KCNQ3: variants seen among roughly 807,000 people sequenced by gnomAD.
KCNQ3 encodes potassium voltage-gated channel subfamily KQT member 3.
A neutral mutation model predicts 92.5 loss-of-function variants in KCNQ3; 30 were observed. The observed-to-expected ratio is 0.32, with a 90% CI of 0.24 to 0.44. The LOEUF is 0.44. KCNQ3 is among the 20% of genes least tolerant of loss of function. The pLI, the probability that KCNQ3 is intolerant of heterozygous loss-of-function variation, is 1.00. For synonymous variants in KCNQ3, 450 were observed against 468.8 expected (o/e 0.96, Z 0.52); for missense variants, 913 against 1,140.3 (o/e 0.80, Z 2.87).
chr8:132,154,909 C>T (rs948240361), intron 9 of KCNQ3, among the ~76,000 whole-genome samples: 15 of 152,126 alleles, frequency 9.9e-5, no homozygotes, highest in African/African-American at 3.4e-4. Flanking sequence ...GATCACAGGC[C>T]TAGGCACCCA....
intron 1 of KCNQ3, among the ~76,000 whole-genome samples, chr8:132,358,659 G>C (rs1819079949): frequency 7.3e-6 from 1 of 137,046 alleles, no homozygotes; most frequent in South Asian, 2.4e-4. Context: ...TGTTCAAAAA[G>C]AATGGATGGT....
rs75276228 is a variant in KCNQ3, at chr8:132,268,091, T to A, written c.387-81910A>T. On this transcript the variant is annotated intron_variant, in intron 1 of 14. Transcript: ENST00000388996. ...AAATCCTATGTCCTCTGCCTATTCA[T>A]CCCTCCATGCTCCCTCCCCACCAGC... 2.5e-3 allele frequency among the ~76,000 whole-genome samples: 376 copies of A among 152,318 alleles called. 3 individuals carry two copies. The highest frequency in any genetic ancestry group is 8.8e-3 in the African/African-American group (364 of 41,570).
chr8:132,477,321 TCTC>T (rs2130871651), intron 1 of KCNQ3, among the ~76,000 whole-genome samples: 2 of 146,966 alleles, frequency 1.4e-5, no homozygotes, highest in South Asian at 4.4e-4. Flanking sequence ...AAAAAAATAA[TCTC>T]ATCATGGACC....
chr8:132,163,789 T>C (rs1213535563), intron 8 of KCNQ3, among the ~76,000 whole-genome samples: 1 of 152,220 alleles, frequency 6.6e-6, no homozygotes, highest in Non-Finnish European at 1.5e-5. Context: ...AGCTCTCATG[T>C]TGAGCTCAGG....
At chr8:132,423,985 C>T (rs757004930) in intron 1 of KCNQ3, among the ~76,000 whole-genome samples, 7 of 152,192 alleles carry the variant, frequency 4.6e-5, no homozygotes, top group Non-Finnish European at 1.0e-4. Flanking sequence ...AAAACAAAAG[C>T]TGCAGGACTA....
chr8:132,257,781 G>T lies in KCNQ3; in HGVS notation c.387-71600C>A, dbSNP rs1365323064. ...AAAAAAAAAAAGAGAGAGAGAGACA[G>T]TTTAGATTTAAAAACATAAAAAGAT... On this transcript the variant is annotated intron_variant, in intron 1 of 14. Transcript: ENST00000388996. Among the ~76,000 whole-genome samples, 4 of 144,952 alleles carry T rather than the reference G, an allele frequency of 2.8e-5. No homozygotes were observed. In the Admixed American group the frequency reaches 2.8e-4, roughly 10 times the overall value.
intron 1 of KCNQ3, among the ~76,000 whole-genome samples, chr8:132,460,039 T>G (rs1002586619): frequency 2.0e-5 from 3 of 152,196 alleles, no homozygotes; most frequent in Non-Finnish European, 4.4e-5. Flanking sequence ...CCCTTTGACA[T>G]ACTCCCATCA....
chr8:132,278,083 C>G, intron 1 of KCNQ3: 1 of 985,300 alleles, frequency 1.0e-6, no homozygotes, highest in Non-Finnish European at 1.2e-6. Flanking sequence ...ATCTGTCCAT[C>G]CTCAAAGACC....
intron 1 of KCNQ3, among the ~76,000 whole-genome samples, chr8:132,229,644 T>C (rs1814564933): frequency 6.6e-6 from 1 of 151,748 alleles, no homozygotes; most frequent in Non-Finnish European, 1.5e-5. Context: ...GGGCTAGAAA[T>C]TTGGAGTCAT....
intron 9 of KCNQ3, among the ~76,000 whole-genome samples, chr8:132,162,072 C>G (rs1439930906): frequency 6.6e-6 from 1 of 152,176 alleles, no homozygotes; most frequent in Non-Finnish European, 1.5e-5. Context: ...CCTCTGTGCT[C>G]TTGGCAGAGT....
At chr8:132,165,664 T>C (rs1431808365) in intron 8 of KCNQ3, among the ~76,000 whole-genome samples, 1 of 152,240 alleles carries the variant, frequency 6.6e-6, no homozygotes, top group African/African-American at 2.4e-5. Flanking sequence ...TTGTGTCATC[T>C]TACTTTTATC....
chr8:132,324,860 C>T (rs903044838), intron 1 of KCNQ3, among the ~76,000 whole-genome samples: 1 of 152,138 alleles, frequency 6.6e-6, no homozygotes, highest in Admixed American at 6.5e-5. Flanking sequence ...GTGCTGCCTT[C>T]CTGAGCTTTC....
chr8:132,400,458 G>A (rs1820304534), intron 1 of KCNQ3, among the ~76,000 whole-genome samples: 1 of 152,226 alleles, frequency 6.6e-6, no homozygotes, highest in African/African-American at 2.4e-5. Context: ...CAGCACGGCT[G>A]TGAGTGGTCC....
chr8:132,388,906 T>C (rs1018865526), intron 1 of KCNQ3, among the ~76,000 whole-genome samples: 3 of 152,214 alleles, frequency 2.0e-5, no homozygotes, highest in Non-Finnish European at 4.4e-5. Context: ...ATTTGGAGTA[T>C]AGTGGGAAAC....
intron 13 of KCNQ3, among the ~76,000 whole-genome samples, chr8:132,133,463 C>A (rs1824955227): frequency 7.0e-6 from 1 of 143,568 alleles, no homozygotes; most frequent in Non-Finnish European, 1.5e-5. Flanking sequence ...TCAAGCGATT[C>A]TCCTGCCTCA....
At chr8:132,452,144 T>A (rs1446241308) in intron 1 of KCNQ3, among the ~76,000 whole-genome samples, 3 of 152,210 alleles carry the variant, frequency 2.0e-5, no homozygotes, top group Non-Finnish European at 4.4e-5. Context: ...TCAGTGGCAT[T>A]AACCACATTC....
chr8:132,154,196 T>TTTTTTTTTTTTTTTTG (rs1825729233), intron 9 of KCNQ3, among the ~76,000 whole-genome samples: 1 of 23,710 alleles, frequency 4.2e-5, no homozygotes, highest in Non-Finnish European at 8.6e-5. Flanking sequence ...GGTAAAAGTT[T>TTTTTTTTTTTTTTTTG]TTTTTTTTTT....
rs1306110259 is a variant in KCNQ3 at position 132,125,532 on chromosome 8, C to A, written c.*3730G>T. On this transcript the variant is annotated 3_prime_UTR_variant, in exon 15 of 15. Coordinates refer to ENST00000388996, the MANE Select transcript of KCNQ3 (RefSeq NM_004519.4). ...GGCATATATTGGTGCTTAATAAACC[C>A]TGTTAAATGAATAAACAAATGATTT... The A allele has an allele frequency of 6.6e-6, 1 of 152,164 alleles. No individual in the cohort carries two copies. The highest frequency in any genetic ancestry group is 1.5e-5 in the Non-Finnish European group (1 of 68,028). The allele number at this position is 152,164 out of a possible 1,614,324, so 9.4% of individuals were successfully genotyped here. A position where few individuals can be genotyped will look rare whatever the true frequency, so the allele number is the denominator to read the frequency against.
chr8:132,380,190 G>A (rs539598381), intron 1 of KCNQ3, among the ~76,000 whole-genome samples: 4 of 152,088 alleles, frequency 2.6e-5, no homozygotes, highest in Non-Finnish European at 4.4e-5. Flanking sequence ...GAATTGAAGG[G>A]TACAGAAGTG....
Sources: allele counts gnomAD v4.1 joint callset (sites outside exome capture counted in the v4.1 genomes callset), GRCh38; gene constraint gnomAD v4.1.1; transcripts MANE v1.5; gene names NCBI Gene and HGNC (gene_info 2026-07-23, HGNC 2026-07-21).